Variants in PZP observed in about 807,000 individuals in gnomAD.
PZP encodes the protein PZP alpha-2-macroglobulin like.
PZP carries 150 observed loss-of-function variants against 179.8 expected under a neutral mutation model. The observed-to-expected ratio is 0.83, with a 90% confidence interval of 0.73 to 0.96. The LOEUF (loss-of-function observed/expected upper bound fraction) is 0.96. Among genes scored for constraint, PZP ranks in the 40% least tolerant of loss-of-function variants. The pLI is 0.00. For synonymous variants in PZP, 624 were observed against 652.3 expected, an observed-to-expected ratio of 0.96 and a Z score of 0.66; for missense variants, 1,689 against 1,764.0, an observed-to-expected ratio of 0.96 and a Z score of 0.76.
At chr12:9,179,523 G>A (rs1942620302) in intron 15 of PZP, among the ~76,000 whole-genome samples, 1 of 152,200 alleles carries the variant, frequency 6.6e-6, no homozygotes, top group African/African-American at 2.4e-5. Flanking sequence ...TAACAAAGGT[G>A]TAGTAGGTCA....
chr12:9,202,711 T>C (rs1288693313), intron 2 of PZP, 27 bp from the exon 3 acceptor site: 3 of 1,603,744 alleles, frequency 1.9e-6, no homozygotes, highest in Admixed American at 1.7e-5. Flanking sequence ...TTTTTACTAC[T>C]GAGGAACTGT....
rs755247688 is a variant in PZP, at chr12:9,192,583, T to A, written c.1411A>T (p.Thr471Ser). 6.2e-7 allele frequency: 1 copy of A among 1,614,182 alleles called. No homozygotes were observed. The highest frequency in any genetic ancestry group is 1.7e-5 in the Admixed American group (1 of 60,024). Residue 471 changes from threonine to serine, a missense_variant, in exon 12 of 36, where the codon ACT becomes TCT. Transcript: ENST00000261336. ...TTCAGTGTATAGTGTGCCGTGATAG[T>A]CTCCGTGTGGCCACAGGGCAGGGTA... is the stretch of plus-strand genomic sequence containing the variant. The part of the protein sequence containing the change: ...AGTLPCGHTE[T>S]ITAHYTLNRQ...
At chr12:9,174,550 A>G (rs1452424392) in intron 15 of PZP, among the ~76,000 whole-genome samples, 2 of 152,132 alleles carry the variant, frequency 1.3e-5, no homozygotes, top group East Asian at 3.8e-4. Context: ...TTGATTTTAT[A>G]TCTAGAAAAC....
At position 9,192,676 on chromosome 12, in the gene PZP, C is replaced by T. The variant is rs183466197; in HGVS notation, c.1318G>A (p.Ala440Thr). 137 of 1,613,966 alleles carry T rather than the reference C, an allele frequency of 8.5e-5. 1 individual carries two copies. The highest frequency in any genetic ancestry group is 1.1e-4 in the Non-Finnish European group (127 of 1,179,842). ...YSWVAEDHQG[A>T]QHTANRVFSL... ...AAAACACGATTTGCAGTGTGCTGAG[C>T]ACCCTGGTGGTCTTCTGCTACCCAT... The change falls in exon 12 of 36, where the codon GCT (alanine) becomes ACT (threonine). Residue 440 changes from alanine to threonine, a missense_variant. Coordinates refer to ENST00000261336, the MANE Select transcript of PZP (RefSeq NM_002864.3).
At chr12:9,190,660 A>G (rs532155532) in intron 13 of PZP, among the ~76,000 whole-genome samples, 261 of 152,336 alleles carry the variant, frequency 1.7e-3, no homozygotes, top group Non-Finnish European at 3.1e-3. Context: ...GTTTACCTAC[A>G]TAACAAACCT....
intron 15 of PZP, 118 bp downstream of exon 15, chr12:9,180,864 AC>A: frequency 9.5e-7 from 1 of 1,048,044 alleles, no homozygotes; most frequent in Non-Finnish European, 1.3e-6. Context: ...TGAACAGGCA[AC>A]CTACAAAATG....
In PZP at chr12:9,169,360, A is replaced by G. The variant is rs1941821222; in HGVS notation, c.2001+70T>C. The G allele has an allele frequency of 3.7e-6, 5 of 1,366,860 alleles. No homozygotes were observed. The East Asian group carries it at 9.4e-5, about 26-fold the overall frequency. 84.7% of individuals were successfully genotyped at this position (1,366,860 alleles called of 1,614,324 possible). A position where few individuals can be genotyped will look rare whatever the true frequency, so the allele number is the denominator to read the frequency against. ...GGCTACATAATTACTAAGATTATGA[A>G]TAGATACAGAGTTTTATTAACATTC... is the stretch of plus-strand genomic sequence containing the variant. On this transcript the variant is annotated intron_variant, in intron 16 of 35. Transcript: ENST00000261336.
rs768886158 is a variant in PZP at position 9,150,702 on chromosome 12, G to C, written c.4326C>G (p.Asp1442Glu). 1.2e-6 allele frequency: 2 copies of C among 1,613,006 alleles called. No homozygotes were observed. The highest frequency in any genetic ancestry group is 2.2e-5 in the South Asian group (2 of 90,978). ...TLSFSFMVLQ[D>E]IPVGDLKPAI... ...CTGGCTTCAAGTCTCCTACTGGGAT[G>C]TCTTGCAGAACCATGAAGGAAAAAC... The change falls in exon 34 of 36, where the codon GAC becomes GAG. Residue 1442 changes from aspartate (D) to glutamate (E), a missense_variant. Physicochemically the swap from Asp to Glu is conservative, Grantham distance 45. This residue lies in a region of PZP where 746 missense variants were observed against 749.2 expected (regional missense o/e 1.00). Transcript: ENST00000261336.
intron 34 of PZP, among the ~76,000 whole-genome samples, chr12:9,149,883 A>G (rs1940219714): frequency 6.6e-6 from 1 of 152,166 alleles, no homozygotes; most frequent in Non-Finnish European, 1.5e-5. Context: ...TCTCTCTTCC[A>G]TGACCTCTCT....
intron 2 of PZP, among the ~76,000 whole-genome samples, chr12:9,203,184 C>T (rs1592571235): frequency 1.3e-5 from 2 of 152,246 alleles, no homozygotes; most frequent in Admixed American, 6.5e-5. Flanking sequence ...TAGAAAACTC[C>T]TCTAAGTCAT....
In PZP at chr12:9,152,094, G is replaced by C. The variant is rs986233115; in HGVS notation, c.4212+126C>G. Reference sequence around the variant, plus strand: ...CAACTAAATAGTTCATTTACTTCCTGGGTTTGGGAAAAATATTTTTTTGAG... The same window carrying C: ...CAACTAAATAGTTCATTTACTTCCTCGGTTTGGGAAAAATATTTTTTTGAG... On this transcript the variant is annotated intron_variant, in intron 32 of 35. Coordinates refer to ENST00000261336, the MANE Select transcript of PZP (RefSeq NM_002864.3). 4.3e-5 allele frequency: 32 copies of C among 750,230 alleles called. No homozygotes were observed. In the Admixed American group the frequency reaches 6.8e-4, roughly 16 times the overall value. 46.5% of individuals were successfully genotyped at this position (750,230 alleles called of 1,614,324 possible). A position where few individuals can be genotyped will look rare whatever the true frequency, so the allele number is the denominator to read the frequency against.
intron 15 of PZP, among the ~76,000 whole-genome samples, chr12:9,180,341 AG>A (rs1200807210): frequency 3.9e-5 from 6 of 152,284 alleles, no homozygotes; most frequent in African/African-American, 1.4e-4. Context: ...CGCATCGCCA[AG>A]GCAATCCTAA....
At chr12:9,207,018 G>C (rs928867800) in intron 1 of PZP, among the ~76,000 whole-genome samples, 3 of 152,154 alleles carry the variant, frequency 2.0e-5, no homozygotes, top group Non-Finnish European at 4.4e-5. Flanking sequence ...GAGGGATAGT[G>C]GGGGAGAAAT....
At position 9,152,931 on chromosome 12, in the gene PZP, A is replaced by G. The variant is rs1565621972; in HGVS notation, c.4014T>C (p.Ile1338=). 7 of 1,614,136 alleles carry G rather than the reference A, an allele frequency of 4.3e-6. No individual in the cohort carries two copies. The South Asian group carries it at 5.5e-5, about 13-fold the overall frequency. Residue 1338 remains isoleucine, a synonymous_variant, in exon 31 of 36, where the codon ATT becomes ATC. Coordinates refer to ENST00000261336, the MANE Select transcript of PZP (RefSeq NM_002864.3). ...ATGGGGAGTCCTCTTTCTCTGGAAGAATATTGTATTTCATGGATGTCTGTG... is the reference window on the plus strand; with the variant it reads ...ATGGGGAGTCCTCTTTCTCTGGAAGGATATTGTATTTCATGGATGTCTGTG... The part of the protein sequence containing the change: ...VYLQTSMKYN[I]LPEKEDSPFA...
intron 1 of PZP, 133 bp from the exon 2 acceptor site, chr12:9,204,084 A>G (rs1365619403): frequency 2.2e-6 from 2 of 921,074 alleles, no homozygotes; most frequent in South Asian, 1.9e-5. Context: ...GACTAAGTCA[A>G]TGGAGGTTCT....
chr12:9,140,031 A>G, the PZP span, among the ~76,000 whole-genome samples: 1 of 152,236 alleles, frequency 6.6e-6, no homozygotes, highest in South Asian at 2.1e-4. Flanking sequence ...AGAGGAGGTT[A>G]TCTTGGGATG....
chr12:9,164,025 T>C, intron 20 of PZP, 108 bp downstream of exon 20: 9 of 1,411,232 alleles, frequency 6.4e-6, no homozygotes, highest in Non-Finnish European at 7.7e-6. Flanking sequence ...AAAACTAACT[T>C]TATAGAATTA....
chr12:9,150,826 CT>C (rs1472679780), intron 33 of PZP, 80 bp from the exon 34 acceptor site: 1 of 897,068 alleles, frequency 1.1e-6, no homozygotes, highest in Admixed American at 2.1e-5. Flanking sequence ...TCTTATTGTT[CT>C]TTGACTCTTT....
Position 9,168,960 on chromosome 12 carries a change from C to T in PZP, c.2016G>A (p.Lys672=), listed in dbSNP as rs1941784826. The T allele has an allele frequency of 1.2e-6, 2 of 1,613,160 alleles. No homozygotes were observed. ...IYSFLKGMGL[K]VFTNSKIRKP... is the part of the protein sequence containing the mutation. The stretch of plus-strand genomic sequence containing the variant: ...TTCGGATTTTTGAGTTAGTGAACAC[C>T]TTCAATCCCATCCCCTGGAAAAAAA... Residue 672 remains lysine (K), a synonymous_variant, in exon 17 of 36, where the codon AAG becomes AAA. Transcript: ENST00000261336.
Sources: allele counts gnomAD v4.1 joint callset (sites outside exome capture counted in the v4.1 genomes callset), GRCh38; gene constraint gnomAD v4.1.1; regional missense constraint gnomAD v4.1.1; transcripts MANE v1.5; gene names NCBI Gene and HGNC (gene_info 2026-07-23, HGNC 2026-07-21).